ADGRF5: variants seen among roughly 807,000 people sequenced by gnomAD.
ADGRF5 encodes the protein adhesion G protein-coupled receptor F5.
Under a neutral mutation model 132.3 loss-of-function variants are expected in ADGRF5, and 75 were observed. The observed-to-expected ratio is 0.57, with a 90% confidence interval of 0.47 to 0.69. The LOEUF (loss-of-function observed/expected upper bound fraction) is 0.69. Ranked by LOEUF, ADGRF5 falls within the 30% of genes least tolerant of loss-of-function variation. ADGRF5 has a pLI of 0.00. For synonymous variants in ADGRF5, 629 were observed against 597.6 expected (o/e 1.05, Z -0.77); for missense variants, 1,516 against 1,630.6 (o/e 0.93, Z 1.21).
chr6:46,869,522 C>T (rs944980396), intron 11 of ADGRF5, among the ~76,000 whole-genome samples: 1 of 152,166 alleles, frequency 6.6e-6, no homozygotes, highest in African/African-American at 2.4e-5. Flanking sequence ...TTTAATAATA[C>T]CACATTGTGT....
chr6:46,886,058 T>C (rs1433912224), intron 4 of ADGRF5, among the ~76,000 whole-genome samples: 1 of 152,188 alleles, frequency 6.6e-6, no homozygotes, highest in South Asian at 2.1e-4. Flanking sequence ...TCTGCTCTCA[T>C]TGGAGACAGT....
At chr6:46,909,979 A>C (rs1775772799) in intron 1 of ADGRF5, among the ~76,000 whole-genome samples, 1 of 151,664 alleles carries the variant, frequency 6.6e-6, no homozygotes, top group African/African-American at 2.4e-5. Context: ...TTCTAGTCCA[A>C]CCTCTAACAG....
intron 1 of ADGRF5, among the ~76,000 whole-genome samples, chr6:46,912,824 C>T (rs910508269): frequency 3.9e-5 from 6 of 152,034 alleles, no homozygotes; most frequent in African/African-American, 1.4e-4. Flanking sequence ...CTTCCTGTGC[C>T]CAAGTTATGA....
chr6:46,921,019 A>T (rs1776883699), intron 1 of ADGRF5, among the ~76,000 whole-genome samples: 1 of 152,178 alleles, frequency 6.6e-6, no homozygotes, highest in African/African-American at 2.4e-5. Context: ...AAGTGGCATG[A>T]CCTGGCTTTC....
chr6:46,900,414 A>G (rs1297850676), intron 2 of ADGRF5, among the ~76,000 whole-genome samples: 1 of 152,100 alleles, frequency 6.6e-6, no homozygotes, highest in Non-Finnish European at 1.5e-5. Context: ...CTAAACTTGT[A>G]CTCTCTGCCT....
chr6:46,936,488 G>A (rs1246832306), intron 1 of ADGRF5, among the ~76,000 whole-genome samples: 2 of 152,306 alleles, frequency 1.3e-5, no homozygotes, highest in East Asian at 3.9e-4. Context: ...GGCAGTAGGT[G>A]AGTTTACGTC....
At chr6:46,937,373 G>A (rs770068916) in intron 1 of ADGRF5, among the ~76,000 whole-genome samples, 6 of 152,034 alleles carry the variant, frequency 3.9e-5, no homozygotes, top group Non-Finnish European at 8.8e-5. Flanking sequence ...TCATGCCATT[G>A]GGTTTTCTAC....
At chr6:46,915,450 C>T (rs1246062138) in intron 1 of ADGRF5, among the ~76,000 whole-genome samples, 1 of 152,022 alleles carries the variant, frequency 6.6e-6, no homozygotes, top group East Asian at 1.9e-4. Flanking sequence ...GACTGGATGA[C>T]TAAAGAAGAG....
At chr6:46,954,270 G>A (rs992926460) in intron 1 of ADGRF5, among the ~76,000 whole-genome samples, 1 of 151,694 alleles carries the variant, frequency 6.6e-6, no homozygotes, top group African/African-American at 2.4e-5. Flanking sequence ...TAGCACATAG[G>A]CACTCTAAAT....
At chr6:46,923,617 G>A (rs1003547546), upstream of ADGRF5, among the ~76,000 whole-genome samples, 1 of 152,154 alleles carries the variant, frequency 6.6e-6, no homozygotes, top group African/African-American at 2.4e-5. Context: ...TTTCCTGCTC[G>A]TATTTTGGTT....
chr6:46,919,476 G>A (rs536572678), intron 1 of ADGRF5, among the ~76,000 whole-genome samples: 54 of 152,328 alleles, frequency 3.5e-4, no homozygotes, highest in African/African-American at 1.3e-3. Flanking sequence ...ATATTTAGGA[G>A]GAGACAGATT....
chr6:46,923,838 A>T (rs1221557361), upstream of ADGRF5, among the ~76,000 whole-genome samples: 1 of 152,214 alleles, frequency 6.6e-6, no homozygotes, highest in Non-Finnish European at 1.5e-5. Flanking sequence ...TGAACTGTGG[A>T]TGGAGAGACC....
chr6:46,856,983 A>G, intron 17 of ADGRF5, 75 bp from the exon 18 acceptor site: 1 of 1,141,212 alleles, frequency 8.8e-7, no homozygotes, highest in Non-Finnish European at 1.3e-6. Flanking sequence ...AGTACTGTTA[A>G]CCTGGTGTTA....
At chr6:46,876,615 G>A (rs1421223090) in intron 10 of ADGRF5, among the ~76,000 whole-genome samples, 3 of 152,124 alleles carry the variant, frequency 2.0e-5, no homozygotes, top group Non-Finnish European at 2.9e-5. Context: ...TGTTGTTGTT[G>A]TTGTTTGAGA....
intron 1 of ADGRF5, among the ~76,000 whole-genome samples, chr6:46,913,907 T>C (rs1377882588): frequency 2.0e-5 from 3 of 152,214 alleles, no homozygotes. Flanking sequence ...TCTGGCTAAC[T>C]AGACACACTA....
chr6:46,930,290 C>T (rs185773204), intron 1 of ADGRF5, among the ~76,000 whole-genome samples: 5 of 152,232 alleles, frequency 3.3e-5, no homozygotes, highest in Admixed American at 3.3e-4. Context: ...TGGGAAGCAA[C>T]GGGAAAACCT....
At chr6:46,939,781 TATATA>T (rs1777983113) in intron 1 of ADGRF5, among the ~76,000 whole-genome samples, 1 of 152,244 alleles carries the variant, frequency 6.6e-6, no homozygotes, top group Non-Finnish European at 1.5e-5. Context: ...ATTTTTTCTG[TATATA>T]ATAGAGATTG....
intron 1 of ADGRF5, among the ~76,000 whole-genome samples, chr6:46,953,687 A>ATATATATATATC (rs1184260500): frequency 1.2e-4 from 15 of 130,260 alleles, no homozygotes; most frequent in Admixed American, 2.4e-4. Context: ...ATATATATAT[A>ATATATATATATC]TATCTCACTG....
At chr6:46,898,874 C>T (rs1055262978) in intron 3 of ADGRF5, among the ~76,000 whole-genome samples, 2 of 152,250 alleles carry the variant, frequency 1.3e-5, no homozygotes, top group Admixed American at 6.5e-5. Context: ...AGCCAGCAGA[C>T]GTTTTCCGAT....
Sources: allele counts gnomAD v4.1 joint callset (sites outside exome capture counted in the v4.1 genomes callset), GRCh38; gene constraint gnomAD v4.1.1; transcripts MANE v1.5; gene names NCBI Gene and HGNC (gene_info 2026-07-23, HGNC 2026-07-21).